The following ERAP1 variants were observed in gnomAD, a reference collection of about 807,000 sequenced individuals.
ERAP1 encodes the protein adipocyte-derived leucine aminopeptidase.
Under a neutral mutation model 103.7 loss-of-function variants are expected in ERAP1, and 86 were observed. The observed-to-expected ratio is 0.83, with a 90% CI of 0.70 to 0.99. The LOEUF (loss-of-function observed/expected upper bound fraction) is 0.99. Ranked by LOEUF, ERAP1 falls within the 50% of genes least tolerant of loss-of-function variation. The pLI, the probability that ERAP1 is intolerant of heterozygous loss-of-function variation, is 0.00. For synonymous variants in ERAP1, 398 were observed against 402.4 expected (o/e 0.99, Z 0.13); for missense variants, 1,009 against 1,128.4 (o/e 0.89, Z 1.52).
the ERAP1 span, among the ~76,000 whole-genome samples, chr5:96,827,832 A>G: frequency 6.6e-6 from 1 of 152,158 alleles, no homozygotes; most frequent in African/African-American, 2.4e-5. Flanking sequence ...CCAAATGCTA[A>G]TCTAAAAAAC....
the ERAP1 span, chr5:96,902,656 C>CA: frequency 5.0e-6 from 1 of 201,422 alleles, no homozygotes; most frequent in Non-Finnish European, 1.0e-5. Flanking sequence ...ATGGATAAGG[C>CA]AAAAAATGTT....
At chr5:96,787,489 C>T (rs928332145) in intron 11 of ERAP1, among the ~76,000 whole-genome samples, 2 of 152,104 alleles carry the variant, frequency 1.3e-5, no homozygotes, top group Non-Finnish European at 2.9e-5. Context: ...TGGTCTCGAA[C>T]TCCTAACCTC....
the ERAP1 span, chr5:96,879,436 G>C: frequency 2.5e-6 from 1 of 406,302 alleles, no homozygotes; most frequent in Non-Finnish European, 4.4e-6. Flanking sequence ...CTATTTTGTG[G>C]ATACTTGGCC....
chr5:96,872,568 C>T, the ERAP1 span, among the ~76,000 whole-genome samples: 1 of 152,154 alleles, frequency 6.6e-6, no homozygotes, highest in Non-Finnish European at 1.5e-5. Context: ...CACTGCATTA[C>T]AGCCTGGGCA....
intron 15 of ERAP1, among the ~76,000 whole-genome samples, chr5:96,782,444 T>C (rs72773932): frequency 0.092 from 13,945 of 152,276 alleles, 847 homozygotes; most frequent in Middle Eastern, 0.16. Flanking sequence ...GGTGACTCCA[T>C]AGGGGATCAC....
the ERAP1 span, among the ~76,000 whole-genome samples, chr5:96,824,734 T>A: frequency 6.6e-6 from 1 of 152,204 alleles, no homozygotes; most frequent in Non-Finnish European, 1.5e-5. Flanking sequence ...ACTGTAATCA[T>A]AATTATTTTT....
chr5:96,773,587 T>C (rs1442837935), downstream of ERAP1: 1 of 151,828 alleles, frequency 6.6e-6, no homozygotes, highest in African/African-American at 2.4e-5. Flanking sequence ...AAGAAACTTC[T>C]GCTTTTAAAA....
chr5:96,852,785 T>C, the ERAP1 span, among the ~76,000 whole-genome samples: 1 of 152,226 alleles, frequency 6.6e-6, no homozygotes, highest in African/African-American at 2.4e-5. Flanking sequence ...ACTCAATTAC[T>C]TTTCAAATGA....
At chr5:96,872,335 CA>C in the ERAP1 span, among the ~76,000 whole-genome samples, 68,942 of 127,188 alleles carry the variant, frequency 0.54, 17,365 homozygotes, top group Middle Eastern at 0.68. Context: ...GACCCTGTCT[CA>C]AAAAAAAAAA....
chr5:96,780,408 ATT>A lies in ERAP1; in HGVS notation c.2670+13_2670+14del, dbSNP rs34765952. 1.1e-3 allele frequency: 1,479 copies of A among 1,379,558 alleles called. No homozygotes were observed. The highest frequency in any genetic ancestry group is 1.2e-3 in the Non-Finnish European group (1,239 of 1,011,170). The allele number at this position is 1,379,558 out of a possible 1,614,324, so 85.5% of individuals were successfully genotyped here. A position where few individuals can be genotyped will look rare whatever the true frequency, so the allele number is the denominator to read the frequency against. ...TTTATGTTTAAAAATATATATATAG[ATT>A]TTTTTTTTTTACCTCTTCAAGCCGT... On this transcript the variant is annotated intron_variant, in intron 18 of 18. Transcript: ENST00000443439.
rs776661265 is a variant in ERAP1, at chr5:96,781,835, A to G, written c.2305T>C (p.Leu769=). ...TGGGCCCCCACAGCAAACACTGCCAAGGTCACGTCGACAGGCAGGCTATAG... is the reference window on the plus strand; with the variant it reads ...TGGGCCCCCACAGCAAACACTGCCAGGGTCACGTCGACAGGCAGGCTATAG... ...GNLSLPVDVT[L]AVFAVGAQST... The change falls in exon 16 of 19, where the codon TTG becomes CTG. Residue 769 remains leucine, a synonymous_variant. Transcript: ENST00000443439. 1.8e-5 allele frequency: 29 copies of G among 1,613,904 alleles called. No individual in the cohort carries two copies. The highest frequency in any genetic ancestry group is 2.4e-5 in the Non-Finnish European group (28 of 1,180,010).
chr5:96,783,274 C>T, intron 14 of ERAP1, 39 bp from the exon 15 acceptor site: 1 of 1,571,018 alleles, frequency 6.4e-7, no homozygotes, highest in South Asian at 1.2e-5. Flanking sequence ...CCAGTATTGT[C>T]ACAGGTCATT....
chr5:96,782,007 AATTT>A (rs1412525424), intron 15 of ERAP1, among the ~76,000 whole-genome samples, 153 bp from the exon 16 acceptor site: 11 of 118,774 alleles, frequency 9.3e-5, no homozygotes, highest in South Asian at 2.9e-4. Context: ...CTTCAGTTAC[AATTT>A]TTTTTTTTTT....
At chr5:96,920,039 T>C in the ERAP1 span, among the ~76,000 whole-genome samples, 2 of 152,192 alleles carry the variant, frequency 1.3e-5, no homozygotes, top group Non-Finnish European at 2.9e-5. Flanking sequence ...TAGCCAAGTG[T>C]GGCGGCTCAT....
the ERAP1 span, among the ~76,000 whole-genome samples, chr5:96,847,247 C>T: frequency 8.2e-5 from 7 of 85,054 alleles, no homozygotes; most frequent in Non-Finnish European, 1.4e-4. Context: ...GACTCCATCT[C>T]AAAAAAAAAA....
the ERAP1 span, among the ~76,000 whole-genome samples, chr5:96,821,327 T>C: frequency 1.3e-5 from 2 of 152,250 alleles, no homozygotes; most frequent in African/African-American, 4.8e-5. Flanking sequence ...TTAGCCAAGA[T>C]GACATATAAA....
chr5:96,917,608 G>T, the ERAP1 span: 4 of 1,608,156 alleles, frequency 2.5e-6, no homozygotes, highest in African/African-American at 4.0e-5. Context: ...ATACTTAAAT[G>T]GTCAATAGAA....
chr5:96,905,819 G>T, the ERAP1 span, among the ~76,000 whole-genome samples: 2 of 152,026 alleles, frequency 1.3e-5, no homozygotes, highest in African/African-American at 4.8e-5. Context: ...AGAAGATCAC[G>T]CCACTGAACT....
chr5:96,774,300 A>AGAT (rs1303514202), downstream of ERAP1: 1 of 168,026 alleles, frequency 6.0e-6, no homozygotes, highest in African/African-American at 2.4e-5. Flanking sequence ...AGAAGTTTAA[A>AGAT]GATGCCTATA....
Sources: gnomAD v4.1 joint callset for allele counts (sites outside exome capture counted in the v4.1 genomes callset) on GRCh38, gnomAD v4.1.1 for gene constraint, MANE v1.5 for transcripts, NCBI Gene and HGNC (gene_info 2026-07-23, HGNC 2026-07-21) for gene names.